The following TRIM63 variants were observed in gnomAD, a reference collection of about 807,000 sequenced individuals.
TRIM63 encodes the protein E3 ubiquitin-protein ligase TRIM63.
TRIM63 carries 48 observed loss-of-function variants against 46.0 expected under a neutral mutation model. The observed-to-expected ratio is 1.04, with a 90% CI of 0.83 to 1.33. TRIM63 has a LOEUF of 1.33. Ranked by LOEUF, TRIM63 falls within the 40% of genes most tolerant of loss-of-function variation. The pLI, the probability that TRIM63 is intolerant of heterozygous loss-of-function variation, is 0.00. For synonymous variants in TRIM63, 175 were observed against 162.8 expected (o/e 1.08, Z -0.57); for missense variants, 455 against 441.2 (o/e 1.03, Z -0.28).
chr1:26,054,383 CTA>C (rs1476561676), intron 7 of TRIM63, among the ~76,000 whole-genome samples: 1 of 152,170 alleles, frequency 6.6e-6, no homozygotes, highest in African/African-American at 2.4e-5. Context: ...GCTACTTAGC[CTA>C]TGAGATCTGC....
chr1:26,052,921 C>T (rs1056387062), intron 8 of TRIM63, among the ~76,000 whole-genome samples: 4 of 152,112 alleles, frequency 2.6e-5, no homozygotes, highest in Non-Finnish European at 5.9e-5. Flanking sequence ...TAAAAAAAAC[C>T]TAATTTTAAA....
intron 2 of TRIM63, among the ~76,000 whole-genome samples, chr1:26,065,298 AC>A (rs796721305): frequency 1.4e-3 from 210 of 151,946 alleles, no homozygotes; most frequent in African/African-American, 4.6e-3. Flanking sequence ...TGCTGGGATT[AC>A]AGGTGTGGGC....
Position 26,066,304 on chromosome 1 carries a change from T to C in TRIM63, c.296A>G (p.Glu99Gly). The change falls in exon 2 of 9, where the codon GAG becomes GGG. Residue 99 changes from glutamate (E) to glycine (G), a missense_variant. Glu to Gly is a moderately conservative substitution (Grantham distance 98). Coordinates refer to ENST00000374272, the MANE Select transcript of TRIM63 (RefSeq NM_032588.4). ...VYGLQRNLLV[E>G]NIIDIYKQEC... ...CTGTTTGTAGATGTCGATGATGTTC[T>C]CCACCAGCAGGTTCCTCTGCAGGCC... 6.2e-7 allele frequency: 1 copy of C among 1,614,100 alleles called. No individual in the cohort carries two copies. Among genetic ancestry groups the C allele is most frequent in the South Asian group, 1.1e-5 (1 of 91,084 alleles).
At chr1:26,052,314 T>G (rs2124434005) in intron 8 of TRIM63, among the ~76,000 whole-genome samples, 1 of 152,326 alleles carries the variant, frequency 6.6e-6, no homozygotes, top group South Asian at 2.1e-4. Flanking sequence ...GCTGCTGTGA[T>G]TCAGAACCCA....
At chr1:26,063,103 C>T (rs1160897440) in intron 2 of TRIM63, among the ~76,000 whole-genome samples, 3 of 151,234 alleles carry the variant, frequency 2.0e-5, no homozygotes, top group African/African-American at 4.9e-5. Flanking sequence ...CAGGGTCTCA[C>T]CATATTGTCC....
Position 26,058,609 on chromosome 1 carries a change from C to G in TRIM63, c.612G>C (p.Gln204His). 1 of 1,614,120 alleles carries G rather than the reference C, an allele frequency of 6.2e-7. No individual in the cohort carries two copies. The highest frequency in any genetic ancestry group is 1.1e-5 in the South Asian group (1 of 91,086). Residue 204 changes from glutamine to histidine, a missense_variant, in exon 5 of 9, where the codon CAG becomes CAC. Physicochemically the swap from Gln to His is conservative, Grantham distance 24. Transcript: ENST00000374272. Reference protein sequence around the residue: ...SRRVTKENSHQVKEELSQKFD... With the variant: ...SRRVTKENSHHVKEELSQKFD... ...ACTTCTGGCTCAGCTCTTCCTTTAC[C>G]TGGTGACTGTTCTCCTGAGGACGGA...
intron 4 of TRIM63, among the ~76,000 whole-genome samples, chr1:26,059,087 C>T (rs778892258): frequency 8.6e-5 from 12 of 139,352 alleles, no homozygotes; most frequent in Admixed American, 3.2e-4. Context: ...TGCAGTGGTG[C>T]GATCTTGGCT....
chr1:26,054,059 T>C (rs1569726895), intron 7 of TRIM63, 95 bp from the exon 8 acceptor site: 4 of 854,622 alleles, frequency 4.7e-6, no homozygotes, highest in East Asian at 5.7e-5. Flanking sequence ...TCTAAACCCC[T>C]TCCTGTGCCC....
rs1019679950 is a variant in TRIM63, at chr1:26,051,650, T to C, written c.*223A>G. ...CAATGTAGAAAAGTGTCCTGTGTGA[T>C]TGTTTCAAGCACGTTTCCAATTCTG... On this transcript the variant is annotated 3_prime_UTR_variant, in exon 9 of 9. Coordinates refer to ENST00000374272, the MANE Select transcript of TRIM63 (RefSeq NM_032588.4). 3.3e-4 allele frequency: 132 copies of C among 403,474 alleles called. No homozygotes were observed. The highest frequency in any genetic ancestry group is 2.5e-3 in the African/African-American group (123 of 48,494). 25.0% of individuals were successfully genotyped at this position (403,474 alleles called of 1,614,324 possible). A position where few individuals can be genotyped will look rare whatever the true frequency, so the allele number is the denominator to read the frequency against.
At chr1:26,059,083 G>C (rs1250755333) in intron 4 of TRIM63, among the ~76,000 whole-genome samples, 2 of 142,450 alleles carry the variant, frequency 1.4e-5, no homozygotes, top group South Asian at 2.2e-4. Context: ...GGAGTGCAGT[G>C]GTGCGATCTT....
chr1:26,057,752 C>A, intron 5 of TRIM63, 102 bp from the exon 6 acceptor site: 1 of 1,274,572 alleles, frequency 7.8e-7, no homozygotes, highest in South Asian at 1.5e-5. Context: ...TATTTGGTGC[C>A]ATTCCCTAGC....
At chr1:26,060,157 A>G (rs1375651242) in intron 4 of TRIM63, 109 bp downstream of exon 4, 1 of 846,478 alleles carries the variant, frequency 1.2e-6, no homozygotes, top group Non-Finnish European at 1.9e-6. Context: ...TGACCGCCCC[A>G]GGCTCCGGGC....
At chr1:26,064,386 G>A (rs377005364) in intron 2 of TRIM63, among the ~76,000 whole-genome samples, 25 of 152,024 alleles carry the variant, frequency 1.6e-4, no homozygotes, top group South Asian at 6.2e-4. Context: ...AGCCAAGATC[G>A]TACCACTGCC....
chr1:26,062,297 AG>A (rs2050633526), intron 2 of TRIM63, among the ~76,000 whole-genome samples: 1 of 152,150 alleles, frequency 6.6e-6, no homozygotes. Flanking sequence ...AAAGAAAGAA[AG>A]AAAGAATAAA....
At chr1:26,060,549 C>T (rs900449819) in intron 3 of TRIM63, among the ~76,000 whole-genome samples, 188 bp from the exon 4 acceptor site, 1 of 152,146 alleles carries the variant, frequency 6.6e-6, no homozygotes, top group African/African-American at 2.4e-5. Context: ...ATACTGCATC[C>T]CTTATTTTAC....
At chr1:26,064,197 G>A (rs753528011) in intron 2 of TRIM63, among the ~76,000 whole-genome samples, 1 of 152,128 alleles carries the variant, frequency 6.6e-6, no homozygotes, top group Non-Finnish European at 1.5e-5. Context: ...TTGGGAGGCT[G>A]AGGCGGGCAG....
intron 3 of TRIM63, 143 bp downstream of exon 3, chr1:26,061,023 C>T (rs942089270): frequency 1.1e-6 from 1 of 936,704 alleles, no homozygotes; most frequent in African/African-American, 1.7e-5. Context: ...GGGCTGCTGT[C>T]CCTGTGGCCT....
chr1:26,059,974 G>A (rs2050607690), intron 4 of TRIM63, among the ~76,000 whole-genome samples: 1 of 152,158 alleles, frequency 6.6e-6, no homozygotes, highest in Non-Finnish European at 1.5e-5. Flanking sequence ...AATTTGTGCT[G>A]AATAAATACT....
chr1:26,051,809 G>A lies in TRIM63; in HGVS notation c.*64C>T, dbSNP rs918799142. 8.5e-5 allele frequency: 26 copies of A among 307,622 alleles called. No homozygotes were observed. Among genetic ancestry groups the A allele is most frequent in the Non-Finnish European group, 1.3e-4 (22 of 171,176 alleles). The allele number at this position is 307,622 out of a possible 1,614,324, so 19.1% of individuals were successfully genotyped here. ...CCACCCTGGGCCTGTCACCAAGGCC[G>A]CTGGGCCCCTCCCCACCCTCTCCAG... On this transcript the variant is annotated 3_prime_UTR_variant, in exon 9 of 9. Transcript: ENST00000374272.
Sources: allele counts gnomAD v4.1 joint callset (sites outside exome capture counted in the v4.1 genomes callset), GRCh38; gene constraint gnomAD v4.1.1; transcripts MANE v1.5; gene names NCBI Gene and HGNC (gene_info 2026-07-23, HGNC 2026-07-21).